The following DIAPH3 variants were observed in gnomAD, a reference collection of about 807,000 sequenced individuals.
The protein encoded by DIAPH3 is protein diaphanous homolog 3.
In DIAPH3, 117 loss-of-function variants were observed where a neutral mutation model predicts 144.3. The ratio of observed to expected loss-of-function variants is 0.81; its 90% CI spans 0.70 to 0.95. DIAPH3 has a LOEUF of 0.95. Among genes scored for constraint, DIAPH3 ranks in the 40% least tolerant of loss-of-function variants. The pLI is 0.00. For synonymous variants in DIAPH3, 519 were observed against 488.9 expected (o/e 1.06, Z -0.81); for missense variants, 1,421 against 1,412.7 (o/e 1.01, Z -0.09).
chr13:59,888,579 A>G (rs1456938454), intron 20 of DIAPH3, among the ~76,000 whole-genome samples: 1 of 152,072 alleles, frequency 6.6e-6, no homozygotes, highest in African/African-American at 2.4e-5. Flanking sequence ...TAATGTATCA[A>G]TCTAATTGGA....
chr13:59,806,363 G>A (rs341528), intron 25 of DIAPH3, among the ~76,000 whole-genome samples: 102,264 of 151,796 alleles, frequency 0.67, 34,821 homozygotes, highest in Admixed American at 0.76. Flanking sequence ...GATCCTCACA[G>A]TGTTTAAAAA....
In DIAPH3 at chr13:60,076,858, GTTAC is replaced by G. The variant is rs577097185; in HGVS notation, c.495+16766_495+16769del. 3.5e-3 allele frequency among the ~76,000 whole-genome samples: 537 copies of G among 151,964 alleles called. 2 individuals are homozygous for G. The highest frequency in any genetic ancestry group is 6.2e-3 in the Non-Finnish European group (422 of 67,918). ...GACATTTTATTCACTCATTTATCTTGTTACTTATTTATTGGGCATTAAAATGATA... is the reference window on the plus strand; with the variant it reads ...GACATTTTATTCACTCATTTATCTTGTTATTTATTGGGCATTAAAATGATA... On this transcript the variant is annotated intron_variant, in intron 4 of 27. Transcript: ENST00000400324.
intron 4 of DIAPH3, among the ~76,000 whole-genome samples, chr13:60,045,519 A>T (rs2056010993): frequency 6.6e-6 from 1 of 152,212 alleles, no homozygotes; most frequent in Non-Finnish European, 1.5e-5. Context: ...TTCAAAACAT[A>T]AGCCATAAAG....
At chr13:59,829,592 A>G (rs1437096827) in intron 24 of DIAPH3, among the ~76,000 whole-genome samples, 1 of 151,956 alleles carries the variant, frequency 6.6e-6, no homozygotes, top group Non-Finnish European at 1.5e-5. Context: ...GGTTAGCTCT[A>G]TATATGTTAG....
chr13:59,915,207 A>C (rs1191530837), intron 19 of DIAPH3, among the ~76,000 whole-genome samples: 1 of 152,124 alleles, frequency 6.6e-6, no homozygotes, highest in Non-Finnish European at 1.5e-5. Flanking sequence ...CCAGTAAAAA[A>C]CAAACTGAAA....
intron 27 of DIAPH3, among the ~76,000 whole-genome samples, chr13:59,719,049 A>G (rs1448029569): frequency 6.6e-6 from 1 of 152,204 alleles, no homozygotes; most frequent in Non-Finnish European, 1.5e-5. Context: ...GCCTCTGATA[A>G]GGAACTGCAT....
At chr13:60,152,487 G>GATATATAT (rs144792127) in intron 1 of DIAPH3, among the ~76,000 whole-genome samples, 36 of 140,044 alleles carry the variant, frequency 2.6e-4, no homozygotes, top group African/African-American at 9.4e-4. Context: ...TTTAGGGAAA[G>GATATATAT]ATATATATAT....
Position 59,791,653 on chromosome 13 carries a change from A to G in DIAPH3, c.3164-16830T>C, listed in dbSNP as rs575537054. 3.9e-5 allele frequency among the ~76,000 whole-genome samples: 6 copies of G among 152,312 alleles called. No individual in the cohort carries two copies. In the South Asian group the frequency reaches 8.3e-4, roughly 21 times the overall value. ...CAGATCCTTAGGTTTGCTGACTTAT[A>G]TTTAAAGGTGTTTTAGGAAATGCTT... On this transcript the variant is annotated intron_variant, in intron 25 of 27. Coordinates refer to ENST00000400324, the MANE Select transcript of DIAPH3 (RefSeq NM_001042517.2).
chr13:59,691,264 C>T (rs1482352939), intron 27 of DIAPH3, among the ~76,000 whole-genome samples: 1 of 152,154 alleles, frequency 6.6e-6, no homozygotes, highest in Non-Finnish European at 1.5e-5. Context: ...GAGAAAATTA[C>T]ACAGACCCTT....
At chr13:60,030,010 T>A (rs1285692343) in intron 5 of DIAPH3, among the ~76,000 whole-genome samples, 2 of 152,146 alleles carry the variant, frequency 1.3e-5, no homozygotes, top group Admixed American at 6.5e-5. Flanking sequence ...TTTTTCCACC[T>A]CATGTTCAGT....
chr13:59,668,844 T>TATAC (rs1555269779), intron 27 of DIAPH3, among the ~76,000 whole-genome samples: 2 of 148,254 alleles, frequency 1.3e-5, no homozygotes, highest in Admixed American at 6.8e-5. Context: ...TATGTATGTA[T>TATAC]ACACACACAC....
chr13:59,855,324 T>G (rs1014368872), intron 22 of DIAPH3, among the ~76,000 whole-genome samples: 1 of 152,200 alleles, frequency 6.6e-6, no homozygotes, highest in African/African-American at 2.4e-5. Flanking sequence ...GGCCCAGTTA[T>G]ATCTCATCAT....
chr13:59,708,309 T>C (rs1313715805), intron 27 of DIAPH3, among the ~76,000 whole-genome samples: 1 of 152,128 alleles, frequency 6.6e-6, no homozygotes, highest in African/African-American at 2.4e-5. Flanking sequence ...ATCCTCTCTT[T>C]CCTTTTATAG....
intron 27 of DIAPH3, among the ~76,000 whole-genome samples, chr13:59,773,199 A>G (rs546749939): frequency 3.9e-5 from 6 of 152,284 alleles, no homozygotes; most frequent in African/African-American, 1.4e-4. Context: ...GTATATTTTT[A>G]CCTTTACTGT....
chr13:59,719,264 A>G (rs1262655228), intron 27 of DIAPH3, among the ~76,000 whole-genome samples: 1 of 152,218 alleles, frequency 6.6e-6, no homozygotes, highest in Non-Finnish European at 1.5e-5. Flanking sequence ...TTTGAGTTCA[A>G]TTGTAGCACA....
chr13:59,763,733 G>C (rs763146601), intron 27 of DIAPH3, among the ~76,000 whole-genome samples: 55 of 151,946 alleles, frequency 3.6e-4, no homozygotes, highest in Non-Finnish European at 6.9e-4. Context: ...GTGGTGTTTT[G>C]CTTGAAATTT....
chr13:59,872,618 G>C (rs908888903), intron 21 of DIAPH3, among the ~76,000 whole-genome samples: 2 of 152,226 alleles, frequency 1.3e-5, no homozygotes, highest in Non-Finnish European at 2.9e-5. Flanking sequence ...AAACAATGCA[G>C]ACCCTTGATA....
chr13:59,930,831 C>T (rs1482042322), intron 17 of DIAPH3, among the ~76,000 whole-genome samples: 2 of 152,036 alleles, frequency 1.3e-5, no homozygotes, highest in African/African-American at 2.4e-5. Context: ...GTAATCCAAA[C>T]GAAAGTCAAT....
chr13:60,102,674 G>A (rs1361853194), intron 3 of DIAPH3, among the ~76,000 whole-genome samples: 2 of 152,170 alleles, frequency 1.3e-5, no homozygotes, highest in African/African-American at 4.8e-5. Context: ...TCGTGGCACT[G>A]ACACAAAGAT....
Sources: allele counts gnomAD v4.1 joint callset (sites outside exome capture counted in the v4.1 genomes callset), GRCh38; gene constraint gnomAD v4.1.1; transcripts MANE v1.5; gene names NCBI Gene and HGNC (gene_info 2026-07-23, HGNC 2026-07-21).